The following DYNC1I1 variants were observed in gnomAD, a reference collection of about 807,000 sequenced individuals.
DYNC1I1 encodes cytoplasmic dynein 1 intermediate chain 1.
Under a neutral mutation model 86.6 loss-of-function variants are expected in DYNC1I1, and 43 were observed. The ratio of observed to expected loss-of-function variants is 0.50; its 90% CI spans 0.39 to 0.64. The LOEUF (loss-of-function observed/expected upper bound fraction) is 0.64, where lower values mean the gene tolerates loss of function less well. DYNC1I1 is among the 30% of genes least tolerant of loss of function. The pLI is 0.00. For missense variants in DYNC1I1, 604 were observed against 788.8 expected (o/e 0.77, Z 2.81); for synonymous variants, 262 against 283.7 (o/e 0.92, Z 0.77).
intron 1 of DYNC1I1, among the ~76,000 whole-genome samples, chr7:95,779,501 A>T (rs1793931064): frequency 6.6e-6 from 1 of 152,228 alleles, no homozygotes; most frequent in Non-Finnish European, 1.5e-5. Flanking sequence ...AACAGCAATT[A>T]TGTCACTCTC....
At chr7:95,805,908 T>G in intron 2 of DYNC1I1, among the ~76,000 whole-genome samples, 1 of 152,184 alleles carries the variant, frequency 6.6e-6, no homozygotes, top group East Asian at 1.9e-4. Context: ...AGGTAATAGA[T>G]TTACAACAAT....
chr7:95,872,157 G>C (rs1790189825), intron 6 of DYNC1I1, among the ~76,000 whole-genome samples: 1 of 152,218 alleles, frequency 6.6e-6, no homozygotes, highest in Non-Finnish European at 1.5e-5. Flanking sequence ...TGGCACTGAG[G>C]TTCTACCATG....
At chr7:96,045,747 A>C (rs1403001084) in intron 14 of DYNC1I1, among the ~76,000 whole-genome samples, 1 of 152,188 alleles carries the variant, frequency 6.6e-6, no homozygotes, top group Non-Finnish European at 1.5e-5. Context: ...GGTTGGAGGC[A>C]AAGGCATGTA....
At chr7:95,996,108 C>T in intron 10 of DYNC1I1, 35 bp downstream of exon 10, 2 of 1,613,484 alleles carry the variant, frequency 1.2e-6, no homozygotes, top group South Asian at 1.1e-5. Context: ...ACTTACATCT[C>T]CTGCTAGACC....
At chr7:95,819,746 C>G (rs949622688) in intron 4 of DYNC1I1, among the ~76,000 whole-genome samples, 7 of 152,118 alleles carry the variant, frequency 4.6e-5, no homozygotes, top group Non-Finnish European at 7.4e-5. Context: ...GTCGCTAATT[C>G]AAGGTTGGTT....
chr7:96,048,124 A>T (rs890994252), intron 14 of DYNC1I1, among the ~76,000 whole-genome samples: 5 of 152,186 alleles, frequency 3.3e-5, no homozygotes, highest in South Asian at 2.1e-4. Context: ...AAGGAGGATT[A>T]GACCAGGTCC....
chr7:95,932,237 G>GCAGCAATAAAAA (rs1392804160), intron 6 of DYNC1I1, among the ~76,000 whole-genome samples: 1 of 152,146 alleles, frequency 6.6e-6, no homozygotes, highest in African/African-American at 2.4e-5. Context: ...TGAAAGGAAT[G>GCAGCAATAAAAA]CAGCAATAAA....
intron 1 of DYNC1I1, among the ~76,000 whole-genome samples, chr7:95,788,655 G>A (rs1045367813): frequency 6.6e-5 from 10 of 152,140 alleles, no homozygotes; most frequent in African/African-American, 4.8e-5. Flanking sequence ...CCCCGTTTTT[G>A]TATGGTTTAA....
intron 14 of DYNC1I1, among the ~76,000 whole-genome samples, chr7:96,063,755 T>A (rs1690385683): frequency 6.6e-6 from 1 of 152,174 alleles, no homozygotes; most frequent in African/African-American, 2.4e-5. Flanking sequence ...CATCACCATA[T>A]GAATTTGATG....
intron 14 of DYNC1I1, among the ~76,000 whole-genome samples, chr7:96,069,384 G>A (rs1790096434): frequency 1.3e-5 from 2 of 152,182 alleles, no homozygotes; most frequent in Non-Finnish European, 2.9e-5. Flanking sequence ...TTGCTAATGA[G>A]CCAGCTTGGC....
chr7:95,938,859 A>G (rs1417980772), intron 6 of DYNC1I1, among the ~76,000 whole-genome samples: 1 of 152,146 alleles, frequency 6.6e-6, no homozygotes. Context: ...ATTTATTTTT[A>G]ATAAATAAAA....
chr7:95,927,367 C>A (rs1178578629), intron 6 of DYNC1I1, among the ~76,000 whole-genome samples: 2 of 151,914 alleles, frequency 1.3e-5, no homozygotes, highest in Non-Finnish European at 2.9e-5. Flanking sequence ...AGAAGACAGG[C>A]AAATCTAAGG....
intron 5 of DYNC1I1, among the ~76,000 whole-genome samples, chr7:95,828,413 A>G (rs1251345693): frequency 6.6e-6 from 1 of 152,178 alleles, no homozygotes; most frequent in African/African-American, 2.4e-5. Context: ...GGGGCACACA[A>G]GTTCTGCAGC....
chr7:95,964,501 C>T lies in DYNC1I1; in HGVS notation c.491-13011C>T, dbSNP rs115245532. ...TGCAGTCATGTTATCACCCAACAAACATTCATTGCCATCTCCCATATGCCC... is the reference window on the plus strand; with the variant it reads ...TGCAGTCATGTTATCACCCAACAAATATTCATTGCCATCTCCCATATGCCC... On this transcript the variant is annotated intron_variant, in intron 6 of 16. Coordinates refer to ENST00000447467, the MANE Select transcript of DYNC1I1 (RefSeq NM_001135556.2). Among the ~76,000 whole-genome samples, 1,068 of 152,314 alleles carry T rather than the reference C, an allele frequency of 7.0e-3. 15 individuals carry two copies. The highest frequency in any genetic ancestry group is 0.024 in the African/African-American group (1,003 of 41,574).
At chr7:96,091,196 C>T (rs1284183016) in intron 16 of DYNC1I1, among the ~76,000 whole-genome samples, 6 of 152,016 alleles carry the variant, frequency 3.9e-5, no homozygotes, top group South Asian at 4.2e-4. Context: ...GGTTAGCAGT[C>T]GTTCTGTGGA....
chr7:95,831,008 A>G (rs543588309), intron 5 of DYNC1I1, among the ~76,000 whole-genome samples: 46 of 152,262 alleles, frequency 3.0e-4, no homozygotes, highest in African/African-American at 9.1e-4. Context: ...TTGCCATATG[A>G]GTATCCTCTC....
intron 6 of DYNC1I1, among the ~76,000 whole-genome samples, chr7:95,943,805 A>G (rs1299912460): frequency 6.6e-6 from 1 of 151,528 alleles, no homozygotes; most frequent in African/African-American, 2.4e-5. Flanking sequence ...TGGTGCTGAG[A>G]AAACTGGCTA....
At chr7:95,786,342 C>T (rs1794146062) in intron 1 of DYNC1I1, among the ~76,000 whole-genome samples, 1 of 152,168 alleles carries the variant, frequency 6.6e-6, no homozygotes, top group Admixed American at 6.5e-5. Flanking sequence ...CAATGTCTGG[C>T]TCTCACTGCT....
chr7:96,035,390 G>T (rs1794904887), intron 12 of DYNC1I1, among the ~76,000 whole-genome samples: 1 of 152,188 alleles, frequency 6.6e-6, no homozygotes, highest in South Asian at 2.1e-4. Context: ...ATCTTTGCCT[G>T]ACTTAAGAAG....
Sources: gnomAD v4.1 joint callset for allele counts (sites outside exome capture counted in the v4.1 genomes callset) on GRCh38, gnomAD v4.1.1 for gene constraint, MANE v1.5 for transcripts, NCBI Gene and HGNC (gene_info 2026-07-23, HGNC 2026-07-21) for gene names.